The following ABCA5 variants were observed in gnomAD, a reference collection of about 807,000 sequenced individuals.
ABCA5 encodes the protein ATP binding cassette subfamily A member 5.
Under a neutral mutation model 206.0 loss-of-function variants are expected in ABCA5, and 163 were observed. That is an observed-to-expected ratio of 0.79 (90% CI 0.70 to 0.90). ABCA5 has a LOEUF of 0.90. Among genes scored for constraint, ABCA5 ranks in the 40% least tolerant of loss-of-function variants. ABCA5 has a pLI of 0.00. For synonymous variants in ABCA5, 609 were observed against 613.8 expected (o/e 0.99, Z 0.11); for missense variants, 1,859 against 1,912.9 (o/e 0.97, Z 0.53).
intron 21 of ABCA5, 100 bp downstream of exon 21, chr17:69,271,062 C>A: frequency 1.4e-6 from 2 of 1,379,970 alleles, no homozygotes; most frequent in South Asian, 1.6e-5. Context: ...AATCTAATTT[C>A]TAACTCATAA....
At chr17:69,293,852 G>GTA (rs2075554636) in intron 11 of ABCA5, among the ~76,000 whole-genome samples, 2 of 107,816 alleles carry the variant, frequency 1.9e-5, no homozygotes, top group South Asian at 7.9e-4. Context: ...GTGTGTGTGT[G>GTA]TGTGTGTGTG....
chr17:69,276,625 A>C (rs1175130909), intron 19 of ABCA5, among the ~76,000 whole-genome samples: 1 of 152,064 alleles, frequency 6.6e-6, no homozygotes, highest in Non-Finnish European at 1.5e-5. Flanking sequence ...GGACACAAGG[A>C]GGGGAACATC....
chr17:69,251,911 G>T, intron 34 of ABCA5, 45 bp from the exon 35 acceptor site: 1 of 1,576,320 alleles, frequency 6.3e-7, no homozygotes, highest in South Asian at 1.2e-5. Flanking sequence ...ACATCTGTTT[G>T]TTAAAAAAAA....
intron 37 of ABCA5, chr17:69,249,031 A>C (rs2074983466): frequency 6.6e-6 from 1 of 152,202 alleles, no homozygotes; most frequent in African/African-American, 2.4e-5. Context: ...CGGCCAATAA[A>C]CATGAATAAA....
chr17:69,268,624 C>T, intron 22 of ABCA5: 1 of 152,190 alleles, frequency 6.6e-6, no homozygotes. Flanking sequence ...AAACAGCTAG[C>T]ACTTCAAATG....
In ABCA5 at chr17:69,256,318, T is replaced by C. The variant is rs757857989; in HGVS notation, c.3732-35A>G. ...TATAATAAATATAAAAGACAGTAGG[T>C]TTTCAAATAATTAAAATAGTAAGAA... On this transcript the variant is annotated intron_variant, in intron 28 of 38. Transcript: ENST00000392676. 5.8e-6 allele frequency: 8 copies of C among 1,375,378 alleles called. No homozygotes were observed. The South Asian group carries it at 6.2e-5, about 11-fold the overall frequency. The allele number at this position is 1,375,378 out of a possible 1,614,324, so 85.2% of individuals were successfully genotyped here.
intron 20 of ABCA5, 139 bp from the exon 21 acceptor site, chr17:69,271,428 C>A (rs1422267048): frequency 6.4e-6 from 6 of 939,044 alleles, no homozygotes. Context: ...GCTCTGAAGC[C>A]AGTCAGCCTG....
At chr17:69,280,389 T>C (rs2075378987) in intron 18 of ABCA5, among the ~76,000 whole-genome samples, 1 of 151,158 alleles carries the variant, frequency 6.6e-6, no homozygotes, top group Non-Finnish European at 1.5e-5. Flanking sequence ...AAACAACAGG[T>C]GCTGGAGAGG....
chr17:69,253,531 A>C lies in ABCA5; in HGVS notation c.4415+42T>G, dbSNP rs1044393607. ...CTATTATAATAAAAGAAACTGTTCTATTCTAAAGTATCATGTACTGTGTCA... is the reference window on the plus strand; with the variant it reads ...CTATTATAATAAAAGAAACTGTTCTCTTCTAAAGTATCATGTACTGTGTCA... On this transcript the variant is annotated intron_variant, in intron 34 of 38. Transcript: ENST00000392676. 6 of 1,343,670 alleles carry C rather than the reference A, an allele frequency of 4.5e-6. No individual in the cohort carries two copies. In the African/African-American group the frequency reaches 8.7e-5, roughly 20 times the overall value. 83.2% of individuals were successfully genotyped at this position (1,343,670 alleles called of 1,614,324 possible).
chr17:69,287,646 T>G lies in ABCA5; in HGVS notation c.2008A>C (p.Thr670Pro). Residue 670 changes from threonine to proline, a missense_variant, in exon 15 of 39, where the codon ACT (threonine) becomes CCT (proline). Transcript: ENST00000392676. ...RKANRVTVFS[T>P]HFMDEADILA... ...ATGTCAGCTTCATCCATGAAATGAG[T>G]ACTGAACACTGTCACCCGATTGGCT... is the stretch of plus-strand genomic sequence containing the variant. 1.2e-6 allele frequency: 2 copies of G among 1,613,758 alleles called. No homozygotes were observed. The highest frequency in any genetic ancestry group is 1.7e-6 in the Non-Finnish European group (2 of 1,179,828).
intron 13 of ABCA5, among the ~76,000 whole-genome samples, 190 bp downstream of exon 13, chr17:69,289,672 G>C (rs2075502736): frequency 6.6e-6 from 1 of 152,056 alleles, no homozygotes; most frequent in African/African-American, 2.4e-5. Context: ...TCCTCCAGAT[G>C]AAACAAACTT....
chr17:69,294,619 A>T (rs758440183), intron 11 of ABCA5, 36 bp downstream of exon 11: 10 of 1,533,200 alleles, frequency 6.5e-6, no homozygotes, highest in Non-Finnish European at 8.9e-6. Flanking sequence ...GTTGTACTTT[A>T]AATACTATGG....
chr17:69,320,815 A>G (rs79826616), intron 1 of ABCA5, among the ~76,000 whole-genome samples: 7 of 152,288 alleles, frequency 4.6e-5, no homozygotes, highest in African/African-American at 1.7e-4. Context: ...GATATGGCGA[A>G]TAAATAAGCA....
chr17:69,293,576 C>T (rs147970168), intron 11 of ABCA5, among the ~76,000 whole-genome samples: 1 of 152,090 alleles, frequency 6.6e-6, no homozygotes, highest in Non-Finnish European at 1.5e-5. Flanking sequence ...TAATGGTAAA[C>T]CTTATCCAAT....
chr17:69,314,283 A>G, intron 2 of ABCA5, 31 bp downstream of exon 2: 1 of 1,465,420 alleles, frequency 6.8e-7, no homozygotes, highest in Admixed American at 1.8e-5. Flanking sequence ...ATAAACTGCA[A>G]AAAAGCATAA....
chr17:69,249,145 C>T (rs1360826970), intron 37 of ABCA5: 1 of 152,104 alleles, frequency 6.6e-6, no homozygotes, highest in Admixed American at 6.5e-5. Context: ...AGAATATATA[C>T]AGTATCAGGA....
intron 17 of ABCA5, among the ~76,000 whole-genome samples, chr17:69,284,419 A>C (rs1175659921): frequency 6.6e-6 from 1 of 152,068 alleles, no homozygotes; most frequent in Admixed American, 6.6e-5. Context: ...CATATCTATT[A>C]CCATATTATA....
intron 18 of ABCA5, among the ~76,000 whole-genome samples, chr17:69,283,317 G>C (rs1296273928): frequency 1.3e-5 from 2 of 152,040 alleles, no homozygotes; most frequent in African/African-American, 4.8e-5. Context: ...GTTCAAGATA[G>C]TATTAACTAT....
At chr17:69,319,513 C>A (rs2075845838) in intron 1 of ABCA5, among the ~76,000 whole-genome samples, 1 of 152,154 alleles carries the variant, frequency 6.6e-6, no homozygotes, top group Non-Finnish European at 1.5e-5. Flanking sequence ...CATCCCAACG[C>A]ACACAAACCA....
Sources: gnomAD v4.1 joint callset for allele counts (sites outside exome capture counted in the v4.1 genomes callset) on GRCh38, gnomAD v4.1.1 for gene constraint, MANE v1.5 for transcripts, NCBI Gene and HGNC (gene_info 2026-07-23, HGNC 2026-07-21) for gene names.